The following TMEM132C variants were observed in gnomAD, a reference collection of about 807,000 sequenced individuals.
TMEM132C encodes the protein protein phosphatase 1, regulatory subunit 152.
TMEM132C carries 29 observed loss-of-function variants against 61.4 expected under a neutral mutation model. The observed-to-expected ratio is 0.47, with a 90% CI of 0.35 to 0.64. The LOEUF is 0.64. Among genes scored for constraint, TMEM132C ranks in the 30% least tolerant of loss-of-function variants. TMEM132C has a pLI of 0.00. For synonymous variants in TMEM132C, 656 were observed against 633.1 expected, an observed-to-expected ratio of 1.04 and a Z score of -0.54; for missense variants, 1,408 against 1,476.9, an observed-to-expected ratio of 0.95 and a Z score of 0.76.
chr12:128,669,722 T>C (rs1029232375), intron 5 of TMEM132C, among the ~76,000 whole-genome samples, 162 bp downstream of exon 5: 5 of 152,230 alleles, frequency 3.3e-5, no homozygotes, highest in Non-Finnish European at 7.3e-5. Flanking sequence ...TTGCCATCTC[T>C]TTGTTTTCAC....
intron 3 of TMEM132C, among the ~76,000 whole-genome samples, chr12:128,605,113 T>TGATAGATA (rs3044839): frequency 0.017 from 2,609 of 151,022 alleles, 78 homozygotes; most frequent in African/African-American, 0.06. Context: ...GACAGATAAA[T>TGATAGATA]GATAGATAGA....
Position 128,705,441 on chromosome 12 carries a change from C to A in TMEM132C, c.2473C>A (p.Arg825=), listed in dbSNP as rs919803681. ...GATCAAGAACCACGCCAGCGACCGCCGGCAGAAGGGCCAGCACCATGAGCG... is the reference window on the plus strand; with the variant it reads ...GATCAAGAACCACGCCAGCGACCGCAGGCAGAAGGGCCAGCACCATGAGCG... ...DEIKNHASDR[R]QKGQHHERTG... Residue 825 remains arginine (R), a synonymous_variant, in exon 9 of 9, where the codon CGG becomes AGG. Coordinates refer to ENST00000435159, the MANE Select transcript of TMEM132C (RefSeq NM_001136103.3). 6.4e-7 allele frequency: 1 copy of A among 1,551,014 alleles called. No homozygotes were observed. Among genetic ancestry groups the A allele is most frequent in the South Asian group, 1.2e-5 (1 of 84,054 alleles).
rs1555228160 is a variant in TMEM132C, at chr12:128,505,008, C to CTTTACGTA, written c.975-38949_975-38948insTTTACGTA. Among the ~76,000 whole-genome samples the CTTTACGTA allele has an allele frequency of 4.6e-5, 7 of 152,178 alleles. No homozygotes were observed. In the East Asian group the frequency reaches 9.7e-4, roughly 21 times the overall value. On this transcript the variant is annotated intron_variant, in intron 2 of 8. Transcript: ENST00000435159. ...ACGTAGTAAGTAAGATTACTTACTA[C>CTTTACGTA]GTAAATATGAACAAATCACTGAATA...
intron 1 of TMEM132C, among the ~76,000 whole-genome samples, chr12:128,392,052 GTCTCTCTCTCTTTC>G (rs765366276): frequency 0.2 from 25,054 of 125,446 alleles, 2,304 homozygotes; most frequent in African/African-American, 0.29. Context: ...CTCTGTCTCT[GTCTCTCTCTCTTTC>G]TCTCTCTCTC....
intron 3 of TMEM132C, among the ~76,000 whole-genome samples, chr12:128,571,669 T>A (rs562003803): frequency 1.3e-5 from 2 of 152,172 alleles, no homozygotes; most frequent in African/African-American, 4.8e-5. Flanking sequence ...TTAAAGGGAG[T>A]ATTTTAATAA....
chr12:128,619,393 C>A (rs1187331093), intron 4 of TMEM132C, among the ~76,000 whole-genome samples: 4 of 152,184 alleles, frequency 2.6e-5, no homozygotes, highest in Non-Finnish European at 4.4e-5. Flanking sequence ...TCTGACTCCC[C>A]CTGAGTAAAT....
chr12:128,497,868 A>T (rs1235551525), intron 2 of TMEM132C, among the ~76,000 whole-genome samples: 1 of 152,108 alleles, frequency 6.6e-6, no homozygotes, highest in Non-Finnish European at 1.5e-5. Context: ...CAGTGAGATG[A>T]ACCCGGTACC....
At chr12:128,670,518 G>A (rs942114300) in intron 5 of TMEM132C, among the ~76,000 whole-genome samples, 9 of 152,052 alleles carry the variant, frequency 5.9e-5, no homozygotes, top group South Asian at 2.1e-4. Flanking sequence ...ACGTGAGATC[G>A]TGCAGTGTTT....
rs895231097 is a variant in TMEM132C at position 128,560,373 on chromosome 12, C to T, written c.1121+16270C>T. On this transcript the variant is annotated intron_variant, in intron 3 of 8. Transcript: ENST00000435159. ...TGCCCACTCTGGACCTTACCCCATG[C>T]TTCTCCCATCACTTGCAACTCATCT... Among the ~76,000 whole-genome samples the T allele has an allele frequency of 5.9e-5, 9 of 152,334 alleles. No homozygotes were observed. In the East Asian group the frequency reaches 1.3e-3, roughly 23 times the overall value.
Position 128,422,650 on chromosome 12 carries a change from G to T in TMEM132C, c.974+7030G>T, listed in dbSNP as rs1869029263. 2.0e-5 allele frequency among the ~76,000 whole-genome samples: 3 copies of T among 152,184 alleles called. No homozygotes were observed. The South Asian group carries it at 6.2e-4, about 32-fold the overall frequency. ...ACACATCCCCATGTCTCAACGCAGT[G>T]AAGAGAGATGCTTAGCATAGGGACT... On this transcript the variant is annotated intron_variant, in intron 2 of 8. Coordinates refer to ENST00000435159, the MANE Select transcript of TMEM132C (RefSeq NM_001136103.3).
chr12:128,409,325 C>T (rs1165676045), intron 1 of TMEM132C, among the ~76,000 whole-genome samples: 1 of 152,124 alleles, frequency 6.6e-6, no homozygotes, highest in Non-Finnish European at 1.5e-5. Flanking sequence ...GGAGTTGAGC[C>T]TGTGAGCCCC....
At chr12:128,293,899 T>C (rs1183699207) in intron 1 of TMEM132C, among the ~76,000 whole-genome samples, 1 of 152,248 alleles carries the variant, frequency 6.6e-6, no homozygotes, top group Non-Finnish European at 1.5e-5. Context: ...ATAATGTTTA[T>C]GTGATCAGAG....
At chr12:128,484,332 C>A (rs1422464163) in intron 2 of TMEM132C, among the ~76,000 whole-genome samples, 1 of 152,052 alleles carries the variant, frequency 6.6e-6, no homozygotes, top group Admixed American at 6.6e-5. Flanking sequence ...GAGGAAGGGC[C>A]CCCTGCAGCT....
chr12:128,697,172 A>C, intron 7 of TMEM132C, 52 bp from the exon 8 acceptor site: 1 of 1,433,648 alleles, frequency 7.0e-7, no homozygotes, highest in Non-Finnish European at 9.4e-7. Context: ...AAAGGGGATA[A>C]CATCTGGAAA....
chr12:128,525,617 T>C lies in TMEM132C; in HGVS notation c.975-18340T>C, dbSNP rs575198896. ...ACACGCCCTTCTGAGAGGTGTATGA[T>C]CTATTGCAATGCAAGAATTAAGAGT... On this transcript the variant is annotated intron_variant, in intron 2 of 8. Transcript: ENST00000435159. Among the ~76,000 whole-genome samples the C allele has an allele frequency of 2.6e-5, 4 of 152,262 alleles. No individual in the cohort carries two copies. In the South Asian group the frequency reaches 6.2e-4, roughly 24 times the overall value.
At chr12:128,360,277 CACA>C (rs1873660381) in intron 1 of TMEM132C, among the ~76,000 whole-genome samples, 2 of 139,460 alleles carry the variant, frequency 1.4e-5, no homozygotes, top group African/African-American at 5.1e-5. Context: ...CACACACACA[CACA>C]CCCCAGGATA....
intron 5 of TMEM132C, among the ~76,000 whole-genome samples, chr12:128,677,972 T>C (rs1295505864): frequency 1.3e-5 from 2 of 152,230 alleles, no homozygotes; most frequent in East Asian, 3.9e-4. Context: ...TGCCCTGAGC[T>C]TGGGCTCCCG....
At chr12:128,610,084 A>G (rs1260748466) in intron 3 of TMEM132C, among the ~76,000 whole-genome samples, 1 of 152,236 alleles carries the variant, frequency 6.6e-6, no homozygotes, top group Non-Finnish European at 1.5e-5. Context: ...CTCAGATGTG[A>G]GTATTGACAT....
At chr12:128,652,037 A>C (rs575429950) in intron 4 of TMEM132C, among the ~76,000 whole-genome samples, 2 of 152,332 alleles carry the variant, frequency 1.3e-5, no homozygotes, top group Admixed American at 6.5e-5. Context: ...CCTTCTCCAC[A>C]GTCCAGAAGT....
Sources: allele counts gnomAD v4.1 joint callset (sites outside exome capture counted in the v4.1 genomes callset), GRCh38; gene constraint gnomAD v4.1.1; transcripts MANE v1.5; gene names NCBI Gene and HGNC (gene_info 2026-07-23, HGNC 2026-07-21).